Variants in GNG12 observed in about 807,000 individuals in gnomAD.
The protein encoded by GNG12 is G protein subunit gamma 12.
For missense variants in GNG12, 69 were observed against 83.8 expected (o/e 0.82, Z 0.69); for synonymous variants, 28 against 29.7 (o/e 0.94, Z 0.19).
chr1:67,727,070 G>A (rs562506311), intron 2 of GNG12, among the ~76,000 whole-genome samples: 1 of 152,224 alleles, frequency 6.6e-6, no homozygotes, highest in Non-Finnish European at 1.5e-5. Flanking sequence ...AAAGTGGAGG[G>A]AAATAGGGCT....
chr1:67,747,705 T>C (rs1241258480), intron 2 of GNG12, among the ~76,000 whole-genome samples: 1 of 152,242 alleles, frequency 6.6e-6, no homozygotes, highest in East Asian at 1.9e-4. Context: ...AGTCTGATTT[T>C]ACATGTGAAC....
intron 2 of GNG12, among the ~76,000 whole-genome samples, chr1:67,730,528 C>T (rs1157648057): frequency 1.3e-5 from 2 of 151,756 alleles, no homozygotes; most frequent in East Asian, 1.9e-4. Context: ...CACCGACCCC[C>T]GCCAAAAAAA....
At chr1:67,811,707 A>G (rs968099989) in intron 1 of GNG12, among the ~76,000 whole-genome samples, 26 of 152,190 alleles carry the variant, frequency 1.7e-4, no homozygotes, top group African/African-American at 6.0e-4. Flanking sequence ...ATCAGGTCAA[A>G]AGACCTACTT....
At chr1:67,713,933 T>C (rs1440331332) in intron 2 of GNG12, among the ~76,000 whole-genome samples, 1 of 152,208 alleles carries the variant, frequency 6.6e-6, no homozygotes, top group Non-Finnish European at 1.5e-5. Context: ...TTCAAGGTAA[T>C]GTGACCAGGT....
At chr1:67,784,294 C>T (rs1316078061) in intron 1 of GNG12, among the ~76,000 whole-genome samples, 9 of 127,830 alleles carry the variant, frequency 7.0e-5, no homozygotes, top group African/African-American at 1.2e-4. Context: ...GGAAGGGGAA[C>T]ATCACACTCT....
chr1:67,810,953 G>C (rs1646921678), intron 1 of GNG12, among the ~76,000 whole-genome samples: 1 of 152,184 alleles, frequency 6.6e-6, no homozygotes, highest in Non-Finnish European at 1.5e-5. Flanking sequence ...TAACATTTCT[G>C]TTTGCTAGAA....
intron 1 of GNG12, among the ~76,000 whole-genome samples, chr1:67,806,726 C>A (rs1466946501): frequency 3.3e-5 from 5 of 152,100 alleles, no homozygotes; most frequent in Non-Finnish European, 7.4e-5. Flanking sequence ...TTCTCCAATA[C>A]AACATAACAA....
intron 3 of GNG12, among the ~76,000 whole-genome samples, chr1:67,707,372 C>T (rs1215209731): frequency 6.6e-6 from 1 of 152,166 alleles, no homozygotes; most frequent in African/African-American, 2.4e-5. Context: ...GAAATCCTGT[C>T]CAGAGTTTTA....
chr1:67,776,510 A>C (rs1368676118), intron 2 of GNG12, among the ~76,000 whole-genome samples: 2 of 152,212 alleles, frequency 1.3e-5, no homozygotes, highest in Non-Finnish European at 2.9e-5. Flanking sequence ...TCTCAGTGTC[A>C]AGATGCTTCT....
chr1:67,742,911 G>A (rs1646490490), intron 2 of GNG12, among the ~76,000 whole-genome samples: 1 of 151,952 alleles, frequency 6.6e-6, no homozygotes. Context: ...TAAAAAGTGA[G>A]TTGATTTAAA....
intron 2 of GNG12, among the ~76,000 whole-genome samples, chr1:67,719,129 T>A (rs555185784): frequency 6.6e-6 from 1 of 152,142 alleles, no homozygotes; most frequent in Non-Finnish European, 1.5e-5. Context: ...TATACTGTCA[T>A]AGTATCAGGG....
At chr1:67,819,841 C>G (rs6656948) in intron 1 of GNG12, among the ~76,000 whole-genome samples, 50,628 of 151,936 alleles carry the variant, frequency 0.33, 8,680 homozygotes, top group Middle Eastern at 0.48. Context: ...ATGCTCTTCT[C>G]CAGATTTAAC....
intron 2 of GNG12, among the ~76,000 whole-genome samples, chr1:67,738,151 G>A (rs1362385874): frequency 6.6e-6 from 1 of 152,010 alleles, no homozygotes; most frequent in Admixed American, 6.6e-5. Context: ...TGCCCAGGCT[G>A]GTCTTGAACT....
At chr1:67,788,048 T>C (rs1266348799) in intron 1 of GNG12, among the ~76,000 whole-genome samples, 9 of 152,230 alleles carry the variant, frequency 5.9e-5, no homozygotes, top group African/African-American at 2.2e-4. Context: ...CAAAGTTACA[T>C]GTGACTGACC....
At chr1:67,738,596 G>A (rs1239821120) in intron 2 of GNG12, among the ~76,000 whole-genome samples, 2 of 152,232 alleles carry the variant, frequency 1.3e-5, no homozygotes, top group Admixed American at 1.3e-4. Flanking sequence ...AAGTTTACAC[G>A]TGTAGGCCAG....
intron 1 of GNG12, among the ~76,000 whole-genome samples, chr1:67,825,866 T>G (rs1647007953): frequency 1.3e-5 from 2 of 152,310 alleles, no homozygotes; most frequent in South Asian, 4.1e-4. Context: ...TGCTGGTGTT[T>G]AAGTAGCAAT....
chr1:67,829,126 G>C (rs1488311367), intron 1 of GNG12, among the ~76,000 whole-genome samples: 2 of 152,138 alleles, frequency 1.3e-5, no homozygotes, highest in Non-Finnish European at 2.9e-5. Flanking sequence ...GGGGGTGGGA[G>C]AGCACCATAA....
intron 2 of GNG12, among the ~76,000 whole-genome samples, chr1:67,728,447 C>A (rs1403519949): frequency 6.6e-6 from 1 of 152,204 alleles, no homozygotes; most frequent in Non-Finnish European, 1.5e-5. Context: ...ATATTCTGCA[C>A]CCCTTGTTTG....
chr1:67,718,775 C>T (rs184976576), intron 2 of GNG12, among the ~76,000 whole-genome samples: 2 of 152,288 alleles, frequency 1.3e-5, no homozygotes, highest in South Asian at 2.1e-4. Flanking sequence ...CAGTTTGGTC[C>T]TCTCTGGCTT....
Sources: gnomAD v4.1 joint callset for allele counts (sites outside exome capture counted in the v4.1 genomes callset) on GRCh38, gnomAD v4.1.1 for gene constraint, MANE v1.5 for transcripts, NCBI Gene and HGNC (gene_info 2026-07-23, HGNC 2026-07-21) for gene names.